Variants in CACNA1D observed in about 807,000 individuals in gnomAD.
The protein encoded by CACNA1D is voltage-dependent L-type calcium channel subunit alpha-1D.
A neutral mutation model predicts 257.1 loss-of-function variants in CACNA1D; 55 were observed. That is an observed-to-expected ratio of 0.21 (90% confidence interval 0.17 to 0.27). CACNA1D has a LOEUF of 0.27. Among genes scored for constraint, CACNA1D ranks in the 10% least tolerant of loss-of-function variants. The probability of loss-of-function intolerance (pLI) is 1.00; values close to 1 mark genes in which losing one functional copy is unlikely to be tolerated. For missense variants in CACNA1D, 1,876 were observed against 2,784.0 expected, an observed-to-expected ratio of 0.67 and a Z score of 7.34; for synonymous variants, 980 against 1,014.9, an observed-to-expected ratio of 0.97 and a Z score of 0.65.
intron 20 of CACNA1D, among the ~76,000 whole-genome samples, chr3:53,736,397 T>G (rs2095058035): frequency 6.6e-6 from 1 of 152,144 alleles, no homozygotes; most frequent in Non-Finnish European, 1.5e-5. Flanking sequence ...CTGGGAAGAT[T>G]TATTATAAAA....
Position 53,569,660 on chromosome 3 carries a change from T to C in CACNA1D, c.483+67940T>C, listed in dbSNP as rs979575740. Among the ~76,000 whole-genome samples, 3 of 152,238 alleles carry C rather than the reference T, an allele frequency of 2.0e-5. No homozygotes were observed. The South Asian group carries it at 6.2e-4, about 32-fold the overall frequency. On this transcript the variant is annotated intron_variant, in intron 3 of 47. Transcript: ENST00000350061. ...CTTACTAAATCTATTTGATAAAATA[T>C]GATTGTTTCTCTAGAACTCTGTTGA...
intron 7 of CACNA1D, among the ~76,000 whole-genome samples, chr3:53,668,705 T>C (rs1047308062): frequency 2.6e-5 from 4 of 152,216 alleles, no homozygotes; most frequent in African/African-American, 9.6e-5. Flanking sequence ...ATAGAAAATG[T>C]ATTTGGCCTT....
chr3:53,722,278 C>T, intron 11 of CACNA1D, 36 bp from the exon 12 acceptor site: 1 of 1,610,078 alleles, frequency 6.2e-7, no homozygotes, highest in Non-Finnish European at 8.5e-7. Flanking sequence ...GATGCTGTAT[C>T]TGTCATCTAC....
At chr3:53,678,107 A>G (rs2094393982) in intron 8 of CACNA1D, among the ~76,000 whole-genome samples, 2 of 152,218 alleles carry the variant, frequency 1.3e-5, no homozygotes, top group Non-Finnish European at 2.9e-5. Context: ...GTGTTAGTGA[A>G]AAGCCCAAGT....
At position 53,617,389 on chromosome 3, in the gene CACNA1D, A is replaced by G. The variant is rs898413; in HGVS notation, c.484-33390A>G. Among the ~76,000 whole-genome samples, 638 of 152,280 alleles carry G rather than the reference A, an allele frequency of 4.2e-3. 21 individuals carry two copies. In the East Asian group the frequency reaches 0.084, roughly 20 times the overall value. On this transcript the variant is annotated intron_variant, in intron 3 of 47. Transcript: ENST00000350061. ...TTGGAGTGACAGATTTGCTACTTCCATGTAACCTCTGTTAAATTCTTTACC... is the reference window on the plus strand; with the variant it reads ...TTGGAGTGACAGATTTGCTACTTCCGTGTAACCTCTGTTAAATTCTTTACC...
intron 3 of CACNA1D, among the ~76,000 whole-genome samples, chr3:53,552,543 G>T (rs979799964): frequency 4.0e-5 from 6 of 151,844 alleles, no homozygotes; most frequent in Non-Finnish European, 8.8e-5. Context: ...ACCATGCCTG[G>T]CTAATCTTTG....
At chr3:53,559,373 AG>A (rs1274537120) in intron 3 of CACNA1D, among the ~76,000 whole-genome samples, 1 of 152,040 alleles carries the variant, frequency 6.6e-6, no homozygotes, top group Admixed American at 6.6e-5. Context: ...AGAGTTTTCC[AG>A]TTTTTCGTAT....
chr3:53,652,425 C>G (rs1257708231), intron 4 of CACNA1D, among the ~76,000 whole-genome samples: 1 of 152,118 alleles, frequency 6.6e-6, no homozygotes, highest in Non-Finnish European at 1.5e-5. Context: ...AGAGAAAGAG[C>G]TTCATAAATA....
chr3:53,747,263 G>T, intron 25 of CACNA1D, 39 bp from the exon 26 acceptor site: 1 of 1,600,372 alleles, frequency 6.2e-7, no homozygotes. Flanking sequence ...CACCTGTCAT[G>T]TGTGAAGCCA....
chr3:53,708,723 T>A (rs1421709926), intron 9 of CACNA1D, among the ~76,000 whole-genome samples: 1 of 152,226 alleles, frequency 6.6e-6, no homozygotes, highest in Non-Finnish European at 1.5e-5. Flanking sequence ...AATATTTGCC[T>A]ACATAAAAAA....
intron 8 of CACNA1D, among the ~76,000 whole-genome samples, chr3:53,680,263 G>A (rs895083770): frequency 1.3e-5 from 2 of 152,194 alleles, no homozygotes; most frequent in African/African-American, 2.4e-5. Flanking sequence ...GGCAACAGCA[G>A]TGGACAGCAG....
At chr3:53,695,807 A>C (rs1418881850) in intron 8 of CACNA1D, among the ~76,000 whole-genome samples, 1 of 151,870 alleles carries the variant, frequency 6.6e-6, no homozygotes, top group South Asian at 2.1e-4. Flanking sequence ...TCTTATTTTC[A>C]TTTTCTGTTC....
intron 2 of CACNA1D, among the ~76,000 whole-genome samples, chr3:53,498,028 C>T (rs2090425121): frequency 6.6e-6 from 1 of 152,104 alleles, no homozygotes; most frequent in Admixed American, 6.5e-5. Context: ...CACATGCTTC[C>T]TAGGGAGAGA....
At chr3:53,746,633 G>C (rs147011362) in intron 25 of CACNA1D, among the ~76,000 whole-genome samples, 4 of 152,300 alleles carry the variant, frequency 2.6e-5, no homozygotes, top group African/African-American at 9.6e-5. Context: ...ATTTGGCTGT[G>C]TCTCTGCACC....
chr3:53,617,117 CTA>C (rs2108004946), intron 3 of CACNA1D, among the ~76,000 whole-genome samples: 1 of 152,298 alleles, frequency 6.6e-6, no homozygotes, highest in South Asian at 2.1e-4. Flanking sequence ...GTCTAGCCCT[CTA>C]TGTTGTCAGC....
intron 3 of CACNA1D, among the ~76,000 whole-genome samples, chr3:53,517,166 G>C (rs1331401039): frequency 6.6e-6 from 1 of 151,504 alleles, no homozygotes; most frequent in Non-Finnish European, 1.5e-5. Context: ...AGAGGGCCTC[G>C]AGGAGAGGAC....
At position 53,740,273 on chromosome 3, in the gene CACNA1D, C is replaced by T. The variant is rs1301056694; in HGVS notation, c.2752-7C>T. On this transcript the variant is annotated splice_polypyrimidine_tract_variant and splice_region_variant and intron_variant, in intron 20 of 47. Transcript: ENST00000350061. ...CTTTTCTCACTCCCACATGTTGTGC[C>T]TTGCAGATACTGGGTTACTTTGACT... 6 of 1,602,856 alleles carry T rather than the reference C, an allele frequency of 3.7e-6. No homozygotes were observed. The South Asian group carries it at 5.5e-5, about 15-fold the overall frequency.
chr3:53,727,215 G>A (rs2094943908), intron 15 of CACNA1D, among the ~76,000 whole-genome samples: 1 of 152,176 alleles, frequency 6.6e-6, no homozygotes, highest in South Asian at 2.1e-4. Flanking sequence ...ATGCGCTCTG[G>A]CTAAGAGAAG....
intron 3 of CACNA1D, among the ~76,000 whole-genome samples, chr3:53,588,967 C>T (rs750034199): frequency 2.3e-4 from 35 of 152,174 alleles, no homozygotes; most frequent in Non-Finnish European, 2.9e-4. Context: ...TTGGCCACAC[C>T]GTGCTCGTCT....
Sources: allele counts gnomAD v4.1 joint callset (sites outside exome capture counted in the v4.1 genomes callset), GRCh38; gene constraint gnomAD v4.1.1; transcripts MANE v1.5; gene names NCBI Gene and HGNC (gene_info 2026-07-23, HGNC 2026-07-21).